The following AMACR variants were observed in gnomAD, a reference collection of about 807,000 sequenced individuals.
The protein encoded by AMACR is 2-methylacyl-CoA racemase.
Under a neutral mutation model 22.2 loss-of-function variants are expected in AMACR, and 18 were observed. The observed-to-expected ratio is 0.81, with a 90% CI of 0.56 to 1.20. AMACR has a LOEUF of 1.20. Ranked by LOEUF, AMACR falls within the 50% of genes most tolerant of loss-of-function variation. The pLI is 0.00. For missense variants in AMACR, 499 were observed against 490.6 expected, an observed-to-expected ratio of 1.02 and a Z score of -0.16; for synonymous variants, 213 against 191.3, an observed-to-expected ratio of 1.11 and a Z score of -0.94.
At chr5:34,005,075 T>C (rs78615398) in intron 2 of AMACR, among the ~76,000 whole-genome samples, 1,845 of 152,312 alleles carry the variant, frequency 0.012, 35 homozygotes, top group African/African-American at 0.042. Context: ...CATAAAGAAA[T>C]GTAAGAAAAT....
intron 4 of AMACR, chr5:33,997,740 A>G (rs1753688532): frequency 3.6e-6 from 2 of 556,490 alleles, no homozygotes; most frequent in African/African-American, 3.8e-5. Context: ...TAGTTTTTCC[A>G]ACTATATTTG....
intron 4 of AMACR, among the ~76,000 whole-genome samples, chr5:33,998,162 C>T (rs1753700719): frequency 6.6e-6 from 1 of 152,258 alleles, no homozygotes; most frequent in African/African-American, 2.4e-5. Context: ...GACAGGTCAT[C>T]TGCAAAGGCA....
Position 33,989,432 on chromosome 5 carries a change from C to G in AMACR, c.810G>C (p.Lys270Asn), listed in dbSNP as rs1438339596. 1 of 1,614,096 alleles carries G rather than the reference C, an allele frequency of 6.2e-7. No homozygotes were observed. The highest frequency in any genetic ancestry group is 2.2e-5 in the East Asian group (1 of 44,884). ...SMDDWPEMKK[K>N]FADVFAEKTK... ...TCTTCTCTGCAAATACATCTGCAAA[C>G]TTCTTCTTCATTTCTGGCCAATCAT... is the stretch of plus-strand genomic sequence containing the variant. Residue 270 changes from lysine to asparagine, a missense_variant, in exon 5 of 5, where the codon AAG becomes AAC. Transcript: ENST00000335606.
In AMACR at chr5:33,986,973, T is replaced by A. The variant is rs556535668; in HGVS notation, c.*2120A>T. On this transcript the variant is annotated 3_prime_UTR_variant, in exon 5 of 5. Coordinates refer to ENST00000335606, the MANE Select transcript of AMACR (RefSeq NM_014324.6). ...TTTTCCTTGCTGGACCGAGTTCAAA[T>A]GAAAAGTCTGAGTTGTAGGGAAAAC... 1 of 152,324 alleles carries A rather than the reference T, an allele frequency of 6.6e-6. No individual in the cohort carries two copies. The highest frequency in any genetic ancestry group is 1.9e-4 in the East Asian group (1 of 5,190). 9.4% of individuals were successfully genotyped at this position (152,324 alleles called of 1,614,324 possible).
rs1196223422 is a variant in AMACR, at chr5:34,000,948, G to A, written c.553-2121C>T. Among the ~76,000 whole-genome samples, 8 of 152,078 alleles carry A rather than the reference G, an allele frequency of 5.3e-5. No homozygotes were observed. In the East Asian group the frequency reaches 5.8e-4, roughly 11 times the overall value. On this transcript the variant is annotated intron_variant, in intron 3 of 4. Transcript: ENST00000335606. ...CTGATGAGACTGCTGAAAAATAGAC[G>A]TGTTAACAGAGTTACAGATCCAGTT...
chr5:33,997,985 T>C (rs1431527842), intron 4 of AMACR, among the ~76,000 whole-genome samples: 1 of 152,118 alleles, frequency 6.6e-6, no homozygotes, highest in Non-Finnish European at 1.5e-5. Flanking sequence ...CACTTCAGAG[T>C]ATATTCTAAA....
At position 33,989,521 on chromosome 5, in the gene AMACR, T is replaced by C. The variant is rs775173179; in HGVS notation, c.740-19A>G. ...CCAAGTCCTGAGGAAAAATACAATT[T>C]CCTAAATTATTATGCTTTGAACAGA... is the stretch of plus-strand genomic sequence containing the variant. On this transcript the variant is annotated intron_variant, in intron 4 of 4. Coordinates refer to ENST00000335606, the MANE Select transcript of AMACR (RefSeq NM_014324.6). 6.3e-7 allele frequency: 1 copy of C among 1,593,310 alleles called. No individual in the cohort carries two copies. The highest frequency in any genetic ancestry group is 8.6e-7 in the Non-Finnish European group (1 of 1,161,290).
intron 3 of AMACR, among the ~76,000 whole-genome samples, chr5:33,999,386 T>G (rs181397359): frequency 2.0e-5 from 3 of 152,320 alleles, no homozygotes; most frequent in East Asian, 1.9e-4. Flanking sequence ...TAGAAAGTTA[T>G]AAAATAAACT....
intron 4 of AMACR, among the ~76,000 whole-genome samples, chr5:33,992,175 G>A (rs1032249240): frequency 6.6e-6 from 1 of 151,578 alleles, no homozygotes; most frequent in Non-Finnish European, 1.5e-5. Context: ...CACCACACCC[G>A]GCCATAAAAA....
chr5:33,996,693 A>G (rs1753645733), intron 4 of AMACR, among the ~76,000 whole-genome samples: 1 of 152,102 alleles, frequency 6.6e-6, no homozygotes, highest in African/African-American at 2.4e-5. Context: ...CTGGTACCCC[A>G]GAGTTCAAGG....
In AMACR at chr5:33,988,179, C is replaced by G; in HGVS notation, c.*914G>C. The G allele has an allele frequency of 1.3e-6, 1 of 793,658 alleles. No homozygotes were observed. Among genetic ancestry groups the G allele is most frequent in the South Asian group, 1.9e-5 (1 of 51,792 alleles). The allele number at this position is 793,658 out of a possible 1,614,324, so 49.2% of individuals were successfully genotyped here. ...CTTTAGGAAGTTGAGTCCAGGGAAGCTCCAGGAGCAGGCTGGTTTTATGTA... is the reference window on the plus strand; with the variant it reads ...CTTTAGGAAGTTGAGTCCAGGGAAGGTCCAGGAGCAGGCTGGTTTTATGTA... On this transcript the variant is annotated 3_prime_UTR_variant, in exon 5 of 5. Coordinates refer to ENST00000335606, the MANE Select transcript of AMACR (RefSeq NM_014324.6).
chr5:33,997,886 A>C (rs34676), intron 4 of AMACR, among the ~76,000 whole-genome samples: 27,274 of 152,216 alleles, frequency 0.18, 6,179 homozygotes, highest in African/African-American at 0.51. Flanking sequence ...AATAACTTTT[A>C]GTATATGCAT....
At chr5:33,992,226 T>G (rs963685690) in intron 4 of AMACR, among the ~76,000 whole-genome samples, 1 of 151,876 alleles carries the variant, frequency 6.6e-6, no homozygotes, top group Non-Finnish European at 1.5e-5. Flanking sequence ...GTAAATGAAC[T>G]TGCATAGGGA....
At chr5:33,997,636 C>A in intron 4 of AMACR, 1 of 702,772 alleles carries the variant, frequency 1.4e-6, no homozygotes, top group South Asian at 1.7e-5. Context: ...GCCAGAGCTT[C>A]CAATTTATTT....
chr5:34,004,667 A>G lies in AMACR; in HGVS notation c.459T>C (p.Phe153=), dbSNP rs144785688. The part of the protein sequence containing the change: ...PYAPLNLLAD[F]AGGGLMCALG... ...GTGCACACATAAGGCCACCACCAGC[A>G]AAGTCAGCCAGGAGATTCAGCGGGG... Residue 153 remains phenylalanine (F), a synonymous_variant, in exon 3 of 5, where the codon TTT becomes TTC. Coordinates refer to ENST00000335606, the MANE Select transcript of AMACR (RefSeq NM_014324.6). 2.2e-5 allele frequency: 36 copies of G among 1,614,114 alleles called. No individual in the cohort carries two copies. The African/African-American group carries it at 4.4e-4, about 20-fold the overall frequency.
At position 33,991,029 on chromosome 5, in the gene AMACR, AATG is replaced by A. The variant is rs200279602; in HGVS notation, c.740-1530_740-1528del. On this transcript the variant is annotated intron_variant, in intron 4 of 4. Coordinates refer to ENST00000335606, the MANE Select transcript of AMACR (RefSeq NM_014324.6). ...AACTCTGTGAGTGAAAGGCACATAAAATGAGCATTGAGCAAAAAGTAGTGATCT... is the reference window on the plus strand; with the variant it reads ...AACTCTGTGAGTGAAAGGCACATAAAAGCATTGAGCAAAAAGTAGTGATCT... Among the ~76,000 whole-genome samples the A allele has an allele frequency of 7.9e-4, 120 of 152,314 alleles. 1 individual carries two copies. The East Asian group carries it at 0.019, about 25-fold the overall frequency.
chr5:33,989,505 G>A lies in AMACR; in HGVS notation c.740-3C>T, dbSNP rs1753411609. The A allele has an allele frequency of 1.2e-6, 2 of 1,611,504 alleles. No individual in the cohort carries two copies. Among genetic ancestry groups the A allele is most frequent in the Non-Finnish European group, 1.7e-6 (2 of 1,177,694 alleles). ...TTCATCAGACTTTAGTCCAAGTCCT[G>A]AGGAAAAATACAATTTCCTAAATTA... On this transcript the variant is annotated splice_polypyrimidine_tract_variant and splice_region_variant and intron_variant, in intron 4 of 4. Coordinates refer to ENST00000335606, the MANE Select transcript of AMACR (RefSeq NM_014324.6).
intron 3 of AMACR, among the ~76,000 whole-genome samples, chr5:34,001,770 A>G (rs890561770): frequency 6.6e-6 from 1 of 152,180 alleles, no homozygotes. Context: ...TTCTGCTGCT[A>G]AACACTGTGA....
intron 3 of AMACR, among the ~76,000 whole-genome samples, chr5:34,003,260 C>A (rs1753873867): frequency 6.6e-6 from 1 of 151,896 alleles, no homozygotes; most frequent in Non-Finnish European, 1.5e-5. Flanking sequence ...TGTTTCTAGT[C>A]CCTAACCTCA....
Sources: gnomAD v4.1 joint callset for allele counts (sites outside exome capture counted in the v4.1 genomes callset) on GRCh38, gnomAD v4.1.1 for gene constraint, MANE v1.5 for transcripts, NCBI Gene and HGNC (gene_info 2026-07-23, HGNC 2026-07-21) for gene names.